CNTN3: variants seen among roughly 807,000 people sequenced by gnomAD.
The protein encoded by CNTN3 is contactin-3.
A neutral mutation model predicts 119.1 loss-of-function variants in CNTN3; 60 were observed. The ratio of observed to expected loss-of-function variants is 0.50; its 90% confidence interval spans 0.41 to 0.62. CNTN3 has a LOEUF of 0.62. Among genes scored for constraint, CNTN3 ranks in the 20% least tolerant of loss-of-function variants. The probability of loss-of-function intolerance (pLI) is 0.00; values close to 1 mark genes in which losing one functional copy is unlikely to be tolerated. For missense variants in CNTN3, 1,101 were observed against 1,242.4 expected, an observed-to-expected ratio of 0.89 and a Z score of 1.71; for synonymous variants, 450 against 438.7, an observed-to-expected ratio of 1.03 and a Z score of -0.32.
At chr3:74,320,697 G>C (rs1001440097) in intron 13 of CNTN3, among the ~76,000 whole-genome samples, 3 of 152,058 alleles carry the variant, frequency 2.0e-5, no homozygotes, top group African/African-American at 7.2e-5. Context: ...AAAAAATTCA[G>C]ACAGATCCAA....
chr3:74,441,390 G>C (rs1358654087), intron 4 of CNTN3, among the ~76,000 whole-genome samples: 2 of 152,064 alleles, frequency 1.3e-5, no homozygotes, highest in African/African-American at 4.8e-5. Context: ...AAGTAAACAA[G>C]CATAAATCCA....
At chr3:74,410,920 C>G (rs1306925203) in intron 5 of CNTN3, among the ~76,000 whole-genome samples, 1 of 151,970 alleles carries the variant, frequency 6.6e-6, no homozygotes, top group African/African-American at 2.4e-5. Context: ...AAGAAATGAC[C>G]CACTAACGTA....
intron 8 of CNTN3, among the ~76,000 whole-genome samples, chr3:74,368,658 C>A (rs531721225): frequency 6.6e-6 from 1 of 152,052 alleles, no homozygotes; most frequent in South Asian, 2.1e-4. Flanking sequence ...AGCAGTACAT[C>A]AAATAAAAGT....
intron 11 of CNTN3, among the ~76,000 whole-genome samples, chr3:74,341,332 G>A (rs973225267): frequency 7.9e-5 from 12 of 152,050 alleles, no homozygotes; most frequent in African/African-American, 1.2e-4. Context: ...CACTATAAAC[G>A]AATTTGCTTT....
At chr3:74,566,516 G>C (rs4676975) in intron 1 of CNTN3, among the ~76,000 whole-genome samples, 111,534 of 152,024 alleles carry the variant, frequency 0.73, 41,493 homozygotes, top group Non-Finnish European at 0.79. Flanking sequence ...TCTAGTGCTT[G>C]CTCAGGATTC....
chr3:74,480,499 GA>G (rs1053322417), intron 4 of CNTN3, among the ~76,000 whole-genome samples: 10 of 150,132 alleles, frequency 6.7e-5, no homozygotes, highest in South Asian at 2.1e-4. Flanking sequence ...CTTAAAACTG[GA>G]AAAAAAAATC....
At chr3:74,495,372 T>G (rs1413529757) in intron 3 of CNTN3, among the ~76,000 whole-genome samples, 2 of 152,018 alleles carry the variant, frequency 1.3e-5, no homozygotes, top group African/African-American at 4.8e-5. Context: ...ATGTCATATA[T>G]ATGCTATATT....
At chr3:74,607,399 A>T (rs994519567) in intron 1 of CNTN3, among the ~76,000 whole-genome samples, 2 of 152,210 alleles carry the variant, frequency 1.3e-5, no homozygotes, top group Non-Finnish European at 2.9e-5. Context: ...CAATGCATTA[A>T]GTTATTTTAA....
chr3:74,549,685 G>A (rs1703962352), intron 1 of CNTN3, among the ~76,000 whole-genome samples: 1 of 152,026 alleles, frequency 6.6e-6, no homozygotes, highest in Non-Finnish European at 1.5e-5. Context: ...TGTGCACCAG[G>A]GGACACAAAG....
In CNTN3 at chr3:74,403,343, C is replaced by A. The variant is rs1705245289; in HGVS notation, c.454+21502G>T. Among the ~76,000 whole-genome samples the A allele has an allele frequency of 2.0e-5, 3 of 152,052 alleles. No homozygotes were observed. In the South Asian group the frequency reaches 6.2e-4, roughly 32 times the overall value. On this transcript the variant is annotated intron_variant, in intron 5 of 22. Transcript: ENST00000263665. ...TAGAGCTCATGTGATATTTACATTC[C>A]GAAGGTGCTTCACACTCATTTTCTG...
At chr3:74,498,405 A>G (rs1446068839) in intron 3 of CNTN3, among the ~76,000 whole-genome samples, 2 of 151,912 alleles carry the variant, frequency 1.3e-5, no homozygotes, top group Admixed American at 6.6e-5. Context: ...TTATTAAATA[A>G]CTTTCTTATT....
intron 13 of CNTN3, among the ~76,000 whole-genome samples, chr3:74,330,728 C>G (rs1333461496): frequency 2.0e-5 from 3 of 152,064 alleles, no homozygotes; most frequent in Non-Finnish European, 4.4e-5. Context: ...CCCTGCAGAC[C>G]TCCCAGTGAG....
At chr3:74,450,042 C>T (rs1043518854) in intron 4 of CNTN3, among the ~76,000 whole-genome samples, 2 of 151,924 alleles carry the variant, frequency 1.3e-5, no homozygotes, top group East Asian at 3.9e-4. Flanking sequence ...GCCTATCCTC[C>T]CAATAGCCCT....
rs188184146 is a variant in CNTN3, at chr3:74,308,935, T to C, written c.1669-6128A>G. Among the ~76,000 whole-genome samples, 816 of 152,224 alleles carry C rather than the reference T, an allele frequency of 5.4e-3. 7 individuals are homozygous for C. The highest frequency in any genetic ancestry group is 0.019 in the African/African-American group (779 of 41,548). On this transcript the variant is annotated intron_variant, in intron 13 of 22. Coordinates refer to ENST00000263665, the MANE Select transcript of CNTN3 (RefSeq NM_020872.3). ...AAAATTAATATAATGAGTAGAAAAT[T>C]ATATAAATAGACACTGTCCAAAATA...
At chr3:74,588,357 T>G (rs1209307513) in intron 1 of CNTN3, among the ~76,000 whole-genome samples, 1 of 152,090 alleles carries the variant, frequency 6.6e-6, no homozygotes, top group African/African-American at 2.4e-5. Flanking sequence ...CGTTCACAAT[T>G]GCTTCAAAGA....
chr3:74,372,196 C>T (rs939169464), intron 5 of CNTN3, among the ~76,000 whole-genome samples: 2 of 152,098 alleles, frequency 1.3e-5, no homozygotes, highest in East Asian at 1.9e-4. Flanking sequence ...TTTTATTTCA[C>T]CTGCCCTTCC....
At chr3:74,306,896 A>G (rs1455771296) in intron 13 of CNTN3, among the ~76,000 whole-genome samples, 3 of 152,182 alleles carry the variant, frequency 2.0e-5, no homozygotes, top group African/African-American at 7.2e-5. Flanking sequence ...TTATGTTCAT[A>G]GGGCATAGAG....
Position 74,301,407 on chromosome 3 carries a change from C to G in CNTN3, c.2086G>C (p.Glu696Gln). The part of the protein sequence containing the change: ...PSLPSEKVRT[E>Q]EAVPEVPPSE... The stretch of plus-strand genomic sequence containing the variant: ...AAAAAAAAACACTAACCTGCCTCTT[C>G]AGTTCTTACTTTTTCTGAGGGTAAA... Residue 696 changes from glutamate (E) to glutamine (Q), a missense_variant, in exon 16 of 23, where the codon GAA becomes CAA. Coordinates refer to ENST00000263665, the MANE Select transcript of CNTN3 (RefSeq NM_020872.3). The G allele has an allele frequency of 6.2e-7, 1 of 1,613,752 alleles. No individual in the cohort carries two copies. The highest frequency in any genetic ancestry group is 1.1e-5 in the South Asian group (1 of 90,964).
chr3:74,320,365 G>T (rs139548400), intron 13 of CNTN3, among the ~76,000 whole-genome samples: 3,923 of 152,218 alleles, frequency 0.026, 168 homozygotes, highest in African/African-American at 0.088. Flanking sequence ...CATGTCCTTT[G>T]TAGGGACATG....
Sources: gnomAD v4.1 joint callset for allele counts (sites outside exome capture counted in the v4.1 genomes callset) on GRCh38, gnomAD v4.1.1 for gene constraint, MANE v1.5 for transcripts, NCBI Gene and HGNC (gene_info 2026-07-23, HGNC 2026-07-21) for gene names.